ACOX1: variants seen among roughly 807,000 people sequenced by gnomAD.
ACOX1 encodes acyl-CoA oxidase 1.
In ACOX1, 41 loss-of-function variants were observed where a neutral mutation model predicts 75.5. The observed-to-expected ratio is 0.54, with a 90% CI of 0.42 to 0.70. The LOEUF (loss-of-function observed/expected upper bound fraction) is 0.70, where lower values mean the gene tolerates loss of function less well. Among genes scored for constraint, ACOX1 ranks in the 30% least tolerant of loss-of-function variants. The pLI is 0.00. For missense variants in ACOX1, 630 were observed against 837.5 expected (o/e 0.75, Z 3.06); for synonymous variants, 303 against 298.8 (o/e 1.01, Z -0.15).
At chr17:75,975,066 A>G (rs1422370303) in intron 2 of ACOX1, among the ~76,000 whole-genome samples, 2 of 151,056 alleles carry the variant, frequency 1.3e-5, no homozygotes, top group East Asian at 1.9e-4. Context: ...AAAAAAAAAA[A>G]AAAAAAAGAA....
chr17:75,956,413 G>A (rs903955009), intron 4 of ACOX1, among the ~76,000 whole-genome samples: 4 of 152,042 alleles, frequency 2.6e-5, no homozygotes, highest in African/African-American at 7.2e-5. Context: ...CGGGTCAGCC[G>A]GGCACGGTGG....
At chr17:75,975,907 G>A (rs1230014176) in intron 2 of ACOX1, among the ~76,000 whole-genome samples, 1 of 148,798 alleles carries the variant, frequency 6.7e-6, no homozygotes, top group East Asian at 1.9e-4. Context: ...GAAAGAGGAA[G>A]AGAAAGAGAA....
intron 2 of ACOX1, among the ~76,000 whole-genome samples, chr17:75,963,273 C>T (rs374416401): frequency 5.9e-5 from 9 of 152,094 alleles, no homozygotes; most frequent in Non-Finnish European, 1.3e-4. Flanking sequence ...CAGACTTCAC[C>T]ATTACATAAT....
intron 8 of ACOX1, 47 bp downstream of exon 8, chr17:75,951,368 C>T: frequency 6.2e-7 from 1 of 1,612,258 alleles, no homozygotes; most frequent in East Asian, 2.2e-5. Context: ...CAACAGGCAA[C>T]CACGAAACAG....
At position 75,941,990 on chromosome 17, in the gene ACOX1, T is replaced by C. The variant is rs1215567645; in HGVS notation, c.*4758A>G. Reference sequence around the variant, plus strand: ...CAAGACAACCAATGACCCACTTAAATTTAAGGCAAAAACACCCTTGAATCT... The same window carrying C: ...CAAGACAACCAATGACCCACTTAAACTTAAGGCAAAAACACCCTTGAATCT... On this transcript the variant is annotated 3_prime_UTR_variant, in exon 14 of 14. Coordinates refer to ENST00000293217, the MANE Select transcript of ACOX1 (RefSeq NM_004035.7). 1.3e-5 allele frequency: 2 copies of C among 152,192 alleles called. No homozygotes were observed. The highest frequency in any genetic ancestry group is 2.9e-5 in the Non-Finnish European group (2 of 68,032). 9.4% of individuals were successfully genotyped at this position (152,192 alleles called of 1,614,324 possible). A position where few individuals can be genotyped will look rare whatever the true frequency, so the allele number is the denominator to read the frequency against.
chr17:75,953,627 G>C lies in ACOX1; in HGVS notation c.775-7C>G. 6.2e-7 allele frequency: 1 copy of C among 1,613,958 alleles called. No individual in the cohort carries two copies. Among genetic ancestry groups the C allele is most frequent in the Non-Finnish European group, 8.5e-7 (1 of 1,179,858 alleles). On this transcript the variant is annotated splice_region_variant and splice_polypyrimidine_tract_variant and intron_variant, in intron 6 of 13. Coordinates refer to ENST00000293217, the MANE Select transcript of ACOX1 (RefSeq NM_004035.7). Reference sequence around the variant, plus strand: ...ATGTGCCATCAGGCTTCACCTGGAAGAAGAACGTGGAACTGATACTTCCTT... The same window carrying C: ...ATGTGCCATCAGGCTTCACCTGGAACAAGAACGTGGAACTGATACTTCCTT...
At chr17:75,969,705 T>G (rs2065974639) in intron 2 of ACOX1, among the ~76,000 whole-genome samples, 1 of 152,152 alleles carries the variant, frequency 6.6e-6, no homozygotes, top group South Asian at 2.1e-4. Flanking sequence ...TATTTCATAT[T>G]TAAGTGTTAA....
At chr17:75,974,943 A>C (rs1356605637) in intron 2 of ACOX1, among the ~76,000 whole-genome samples, 1 of 148,334 alleles carries the variant, frequency 6.7e-6, no homozygotes, top group Non-Finnish European at 1.5e-5. Context: ...CCAGCTACTC[A>C]GGAGGCTGAG....
intron 2 of ACOX1, among the ~76,000 whole-genome samples, chr17:75,963,792 C>G (rs1295992688): frequency 2.0e-5 from 3 of 151,644 alleles, no homozygotes; most frequent in Non-Finnish European, 4.4e-5. Flanking sequence ...GGAAATCCCA[C>G]AAGGTGTCAC....
chr17:75,971,982 A>C (rs2065999552), intron 2 of ACOX1, among the ~76,000 whole-genome samples: 1 of 152,100 alleles, frequency 6.6e-6, no homozygotes, highest in African/African-American at 2.4e-5. Context: ...ACACACACAC[A>C]CACCACGCAT....
rs377763681 is a variant in ACOX1, at chr17:75,949,827, C to G, written c.1369G>C (p.Asp457His). The change falls in exon 10 of 14, where the codon GAC becomes CAC. Residue 457 changes from aspartate to histidine, a missense_variant. Coordinates refer to ENST00000293217, the MANE Select transcript of ACOX1 (RefSeq NM_004035.7). ...LVCGMVSYLN[D>H]LPSQRIQPQQ... ...GGCTGGATGCGCTGACTGGGCAGGT[C>G]GTTCAAATAGGACACCATGCCACAC... 1.2e-6 allele frequency: 2 copies of G among 1,614,196 alleles called. No homozygotes were observed. Among genetic ancestry groups the G allele is most frequent in the Non-Finnish European group, 1.7e-6 (2 of 1,180,044 alleles).
At position 75,945,941 on chromosome 17, in the gene ACOX1, T is replaced by G. The variant is rs547487154; in HGVS notation, c.*807A>C. 2 of 152,208 alleles carry G rather than the reference T, an allele frequency of 1.3e-5. No homozygotes were observed. Among genetic ancestry groups the G allele is most frequent in the Non-Finnish European group, 2.9e-5 (2 of 68,040 alleles). 9.4% of individuals were successfully genotyped at this position (152,208 alleles called of 1,614,324 possible). A position where few individuals can be genotyped will look rare whatever the true frequency, so the allele number is the denominator to read the frequency against. The stretch of plus-strand genomic sequence containing the variant: ...AATACAGTAATCTCCAAGCTTTTAA[T>G]GGCTTATGCCAAGATGACAGAATAT... On this transcript the variant is annotated 3_prime_UTR_variant, in exon 14 of 14. Transcript: ENST00000293217.
chr17:75,958,539 T>A lies in ACOX1; in HGVS notation c.431-973A>T, dbSNP rs149653057. 4.1e-3 allele frequency among the ~76,000 whole-genome samples: 604 copies of A among 147,732 alleles called. 21 individuals are homozygous for A. The highest frequency in any genetic ancestry group is 0.014 in the African/African-American group (565 of 40,318). ...ACAAAAAAATTAAAGCTGGGCACGG[T>A]GGCTCACGCCTGTAATCCCAGCACT... On this transcript the variant is annotated intron_variant, in intron 3 of 13. Coordinates refer to ENST00000293217, the MANE Select transcript of ACOX1 (RefSeq NM_004035.7).
Position 75,946,511 on chromosome 17 carries a change from C to G in ACOX1, c.*237G>C, listed in dbSNP as rs919745498. 4 of 504,516 alleles carry G rather than the reference C, an allele frequency of 7.9e-6. No homozygotes were observed. The highest frequency in any genetic ancestry group is 1.4e-5 in the Non-Finnish European group (4 of 277,180). 31.3% of individuals were successfully genotyped at this position (504,516 alleles called of 1,614,324 possible). On this transcript the variant is annotated 3_prime_UTR_variant, in exon 14 of 14. Transcript: ENST00000293217. ...GCAGCATTACAAAAGGAAGTCATATCGCATTTCTTAAGCTTTTTCTGAATG... is the reference window on the plus strand; with the variant it reads ...GCAGCATTACAAAAGGAAGTCATATGGCATTTCTTAAGCTTTTTCTGAATG...
intron 13 of ACOX1, 81 bp from the exon 14 acceptor site, chr17:75,946,876 GTTTTTT>G (rs373022785): frequency 1.7e-5 from 21 of 1,202,660 alleles, no homozygotes; most frequent in Middle Eastern, 1.9e-4. Context: ...TTTTGTTTTT[GTTTTTT>G]TTTTGAGACT....
In ACOX1 at chr17:75,960,231, C is replaced by T. The variant is rs749413865; in HGVS notation, c.414G>A (p.Gln138=). The change falls in exon 3 of 14, where the codon CAG becomes CAA. Residue 138 remains glutamine, a synonymous_variant. Coordinates refer to ENST00000293217, the MANE Select transcript of ACOX1 (RefSeq NM_004035.7). This position sits in a 1 kb window ranked among gnomAD's most constrained non-coding sequence, Gnocchi z 4.4. The part of the protein sequence containing the change: ...WNLEIIGTYA[Q]TEMGHGTHLR... ...ACTCCATACCATGACCCATCTCTGTCTGGGCATAAGTGCCAATGATCTCCA... is the reference window on the plus strand; with the variant it reads ...ACTCCATACCATGACCCATCTCTGTTTGGGCATAAGTGCCAATGATCTCCA... 6.2e-7 allele frequency: 1 copy of T among 1,614,128 alleles called. No individual in the cohort carries two copies. Among genetic ancestry groups the T allele is most frequent in the South Asian group, 1.1e-5 (1 of 91,084 alleles).
rs375235039 is a variant in ACOX1 at position 75,960,198 on chromosome 17, G to A, written c.430+17C>T. On this transcript the variant is annotated intron_variant, in intron 3 of 13. Coordinates refer to ENST00000293217, the MANE Select transcript of ACOX1 (RefSeq NM_004035.7). The surrounding 1 kb of genome is among the most constrained non-coding windows in gnomAD (Gnocchi z 4.4). ...AGGGGCCCGCCCAACCCAGAAGGTAGACTGAATACTCCATACCATGACCCA... is the reference window on the plus strand; with the variant it reads ...AGGGGCCCGCCCAACCCAGAAGGTAAACTGAATACTCCATACCATGACCCA... 68 of 1,613,906 alleles carry A rather than the reference G, an allele frequency of 4.2e-5. No individual in the cohort carries two copies. In the African/African-American group the frequency reaches 9.1e-4, roughly 22 times the overall value.
At position 75,960,235 on chromosome 17, in the gene ACOX1, G is replaced by A; in HGVS notation, c.410C>T (p.Ala137Val). Residue 137 changes from alanine to valine, a missense_variant, in exon 3 of 14, where the codon GCC (alanine) becomes GTC (valine). Physicochemically the swap from Ala to Val is moderately conservative, Grantham distance 64. This residue lies in a region of ACOX1 where 390 missense variants were observed against 574.9 expected (regional missense o/e 0.68). Transcript: ENST00000293217. The surrounding 1 kb of genome is among the most constrained non-coding windows in gnomAD (Gnocchi z 4.4). ...AWNLEIIGTY[A>V]QTEMGHGTHL... ...CATACCATGACCCATCTCTGTCTGG[G>A]CATAAGTGCCAATGATCTCCAAGTT... 1 of 1,614,110 alleles carries A rather than the reference G, an allele frequency of 6.2e-7. No individual in the cohort carries two copies. Among genetic ancestry groups the A allele is most frequent in the East Asian group, 2.2e-5 (1 of 44,882 alleles).
In ACOX1 at chr17:75,957,550, G is replaced by C. The variant is rs994302712; in HGVS notation, c.447C>G (p.Gly149=). 2 of 1,614,018 alleles carry C rather than the reference G, an allele frequency of 1.2e-6. No homozygotes were observed. Among genetic ancestry groups the C allele is most frequent in the Admixed American group, 1.7e-5 (1 of 59,998 alleles). Residue 149 remains glycine (G), a synonymous_variant, in exon 4 of 14, where the codon GGC becomes GGG. Coordinates refer to ENST00000293217, the MANE Select transcript of ACOX1 (RefSeq NM_004035.7). ...GGTCATACGTGGCTGTGGTTTCCAA[G>C]CCTCGAAGGTGAGTTCCTAAGGAGA... is the stretch of plus-strand genomic sequence containing the variant. The part of the protein sequence containing the change: ...TEMGHGTHLR[G]LETTATYDPE...
Sources: gnomAD v4.1 joint callset for allele counts (sites outside exome capture counted in the v4.1 genomes callset) on GRCh38, gnomAD v4.1.1 for gene constraint, gnomAD v4.1.1 regional missense constraint, Gnocchi (gnomAD v3.1) non-coding constraint, MANE v1.5 for transcripts, NCBI Gene and HGNC (gene_info 2026-07-23, HGNC 2026-07-21) for gene names.